AKT3: variants seen among roughly 807,000 people sequenced by gnomAD.
AKT3 encodes the protein AKT serine/threonine kinase 3.
Under a neutral mutation model 65.3 loss-of-function variants are expected in AKT3, and 15 were observed. The observed-to-expected ratio is 0.23, with a 90% CI of 0.15 to 0.35. The LOEUF is 0.35. Ranked by LOEUF, AKT3 falls within the 10% of genes least tolerant of loss-of-function variation. The pLI, the probability that AKT3 is intolerant of heterozygous loss-of-function variation, is 1.00. For synonymous variants in AKT3, 206 were observed against 183.8 expected (o/e 1.12, Z -0.98); for missense variants, 243 against 576.5 (o/e 0.42, Z 5.92).
intron 4 of AKT3, among the ~76,000 whole-genome samples, chr1:243,658,039 G>C (rs1681954381): frequency 6.6e-6 from 1 of 152,014 alleles, no homozygotes; most frequent in African/African-American, 2.4e-5. Flanking sequence ...AAAACCACAG[G>C]AGAAAAGCTT....
chr1:243,521,323 A>T lies in AKT3; in HGVS notation c.1252-8897T>A, dbSNP rs574259810. Reference sequence around the variant, plus strand: ...TTCCCAGAGACAGTAATCTGGTGCTATAATTTTCACTTCTCTGAAACAACA... The same window carrying T: ...TTCCCAGAGACAGTAATCTGGTGCTTTAATTTTCACTTCTCTGAAACAACA... On this transcript the variant is annotated intron_variant, in intron 12 of 13. Coordinates refer to ENST00000673466, the MANE Select transcript of AKT3 (RefSeq NM_005465.7). 6.2e-4 allele frequency among the ~76,000 whole-genome samples: 95 copies of T among 152,342 alleles called. 2 individuals carry two copies. The South Asian group carries it at 0.019, about 31-fold the overall frequency.
intron 2 of AKT3, among the ~76,000 whole-genome samples, chr1:243,774,082 T>C (rs369807787): frequency 5.9e-5 from 9 of 152,232 alleles, no homozygotes; most frequent in African/African-American, 2.2e-4. Context: ...AAAAGGGTCC[T>C]AGAGACAAAC....
intron 8 of AKT3, among the ~76,000 whole-genome samples, chr1:243,582,889 T>C (rs1030157676): frequency 1.1e-4 from 16 of 151,450 alleles, no homozygotes; most frequent in African/African-American, 3.9e-4. Flanking sequence ...ATGACACCTA[T>C]AGGCTCAAAG....
downstream of AKT3, among the ~76,000 whole-genome samples, chr1:243,495,994 T>C (rs1378100052): frequency 3.3e-5 from 5 of 152,174 alleles, no homozygotes; most frequent in Admixed American, 1.3e-4. Flanking sequence ...TGTCACTTGA[T>C]TTCTGGCAGA....
downstream of AKT3, among the ~76,000 whole-genome samples, chr1:243,495,404 C>T (rs1208059071): frequency 6.6e-6 from 1 of 152,212 alleles, no homozygotes; most frequent in African/African-American, 2.4e-5. Flanking sequence ...AAAGCCAAGC[C>T]CTGCGGTGGA....
intron 1 of AKT3, among the ~76,000 whole-genome samples, chr1:243,845,648 T>C (rs1169118988): frequency 6.6e-6 from 1 of 150,694 alleles, no homozygotes; most frequent in East Asian, 2.0e-4. Flanking sequence ...GGCCATATTT[T>C]TGTAATATGC....
intron 10 of AKT3, among the ~76,000 whole-genome samples, chr1:243,563,068 TTC>T: frequency 6.6e-6 from 1 of 152,302 alleles, no homozygotes; most frequent in South Asian, 2.1e-4. Flanking sequence ...TTTATTTTTA[TTC>T]TGTCTCCCTC....
intron 12 of AKT3, among the ~76,000 whole-genome samples, chr1:243,535,516 C>T (rs975735437): frequency 5.3e-5 from 8 of 152,128 alleles, no homozygotes; most frequent in Non-Finnish European, 7.4e-5. Flanking sequence ...GGATAATGGC[C>T]TTCAGTTCCA....
chr1:243,506,761 A>C (rs1669697904), intron 13 of AKT3, among the ~76,000 whole-genome samples: 1 of 152,222 alleles, frequency 6.6e-6, no homozygotes, highest in Admixed American at 6.5e-5. Context: ...TTCTTCTGCA[A>C]ATAGACCACT....
intron 5 of AKT3, among the ~76,000 whole-genome samples, chr1:243,640,534 C>T (rs1454032326): frequency 1.3e-5 from 2 of 152,152 alleles, no homozygotes; most frequent in Non-Finnish European, 2.9e-5. Flanking sequence ...TCTAGAAAGC[C>T]AGCTCTAATG....
rs2148335218 is a variant in AKT3 at position 243,500,818 on chromosome 1, C to T, written c.*4431G>A. On this transcript the variant is annotated 3_prime_UTR_variant, in exon 14 of 14. Coordinates refer to ENST00000673466, the MANE Select transcript of AKT3 (RefSeq NM_005465.7). ...ACAGAGACCATTTGAATCTCTTGAGCATGTAAAAGGTTCAAGCCTGAAACA... is the reference window on the plus strand; with the variant it reads ...ACAGAGACCATTTGAATCTCTTGAGTATGTAAAAGGTTCAAGCCTGAAACA... The T allele has an allele frequency of 4.4e-6, 1 of 228,904 alleles. No individual in the cohort carries two copies. The highest frequency in any genetic ancestry group is 8.7e-6 in the Non-Finnish European group (1 of 115,410). 14.2% of individuals were successfully genotyped at this position (228,904 alleles called of 1,614,324 possible).
intron 3 of AKT3, among the ~76,000 whole-genome samples, chr1:243,676,986 A>G (rs989221590): frequency 1.3e-5 from 2 of 152,238 alleles, no homozygotes; most frequent in Non-Finnish European, 2.9e-5. Flanking sequence ...CTGCAGGACA[A>G]TGTTCAAATA....
At chr1:243,842,467 G>C (rs527271728) in intron 2 of AKT3, among the ~76,000 whole-genome samples, 1 of 152,062 alleles carries the variant, frequency 6.6e-6, no homozygotes, top group South Asian at 2.1e-4. Context: ...GCTTTACATC[G>C]AAGGGTTCTT....
In AKT3 at chr1:243,499,725, A is replaced by ATTGAAACT; in HGVS notation, c.*5516_*5523dup. On this transcript the variant is annotated 3_prime_UTR_variant, in exon 14 of 14. Transcript: ENST00000673466. ...CAAATAACATTGAAGAACATGAGCT[A>ATTGAAACT]TTGAAACTTACTTTTTATTATTTTT... 1 of 1,570,694 alleles carries ATTGAAACT rather than the reference A, an allele frequency of 6.4e-7. No individual in the cohort carries two copies. Among genetic ancestry groups the ATTGAAACT allele is most frequent in the Non-Finnish European group, 8.8e-7 (1 of 1,140,666 alleles).
intron 6 of AKT3, among the ~76,000 whole-genome samples, chr1:243,628,269 CAAG>C (rs754120652): frequency 2.6e-5 from 4 of 152,056 alleles, no homozygotes; most frequent in South Asian, 2.1e-4. Flanking sequence ...CTGAGGAATG[CAAG>C]AAGACACTTA....
rs189147323 is a variant in AKT3, at chr1:243,763,141, C to G, written c.47-67425G>C. ...ATTTCTAAATCATCATTTTATTCTA[C>G]TGAAATTCGCATACATTTTTAAAAA... On this transcript the variant is annotated intron_variant, in intron 2 of 13. Transcript: ENST00000673466. Among the ~76,000 whole-genome samples the G allele has an allele frequency of 3.6e-3, 548 of 152,132 alleles. 4 individuals are homozygous for G. Among genetic ancestry groups the G allele is most frequent in the Non-Finnish European group, 5.0e-3 (338 of 67,910 alleles).
At chr1:243,725,618 G>T (rs1687165312) in intron 2 of AKT3, among the ~76,000 whole-genome samples, 1 of 152,066 alleles carries the variant, frequency 6.6e-6, no homozygotes, top group Non-Finnish European at 1.5e-5. Context: ...CAGAAATAAG[G>T]TCCTTGTGAC....
At chr1:243,686,041 C>T (rs889033840) in intron 3 of AKT3, among the ~76,000 whole-genome samples, 1 of 152,130 alleles carries the variant, frequency 6.6e-6, no homozygotes, top group Non-Finnish European at 1.5e-5. Context: ...AGGAATACAA[C>T]TTACAAGGGA....
chr1:243,803,226 T>C (rs1016619926), intron 2 of AKT3, among the ~76,000 whole-genome samples: 1 of 152,184 alleles, frequency 6.6e-6, no homozygotes, highest in Non-Finnish European at 1.5e-5. Context: ...AAGGATTCTA[T>C]GTAATTATCT....
Sources: gnomAD v4.1 joint callset for allele counts (sites outside exome capture counted in the v4.1 genomes callset) on GRCh38, gnomAD v4.1.1 for gene constraint, MANE v1.5 for transcripts, NCBI Gene and HGNC (gene_info 2026-07-23, HGNC 2026-07-21) for gene names.